The following SPATA6 variants were observed in gnomAD, a reference collection of about 807,000 sequenced individuals.
The protein encoded by SPATA6 is spermatogenesis-associated protein 6.
Under a neutral mutation model 65.3 loss-of-function variants are expected in SPATA6, and 56 were observed. The observed-to-expected ratio is 0.86, with a 90% CI of 0.69 to 1.07. The LOEUF (loss-of-function observed/expected upper bound fraction) is 1.07, where lower values mean the gene tolerates loss of function less well. Ranked by LOEUF, SPATA6 falls within the 50% of genes least tolerant of loss-of-function variation. The pLI, the probability that SPATA6 is intolerant of heterozygous loss-of-function variation, is 0.00. For missense variants in SPATA6, 590 were observed against 594.8 expected (o/e 0.99, Z 0.08); for synonymous variants, 199 against 213.2 (o/e 0.93, Z 0.58).
the SPATA6 span, among the ~76,000 whole-genome samples, chr1:48,266,032 C>G: frequency 6.6e-6 from 1 of 152,136 alleles, no homozygotes; most frequent in Non-Finnish European, 1.5e-5. Flanking sequence ...CTAAACATTT[C>G]TAGTAGAGCT....
intron 6 of SPATA6, among the ~76,000 whole-genome samples, chr1:48,403,277 T>G (rs1168855818): frequency 1.3e-5 from 2 of 152,172 alleles, no homozygotes; most frequent in African/African-American, 2.4e-5. Flanking sequence ...TAGGCTGGAA[T>G]GTCCAAGATT....
intron 6 of SPATA6, among the ~76,000 whole-genome samples, chr1:48,401,109 C>T (rs1288737878): frequency 6.6e-6 from 1 of 151,842 alleles, no homozygotes; most frequent in African/African-American, 2.4e-5. Flanking sequence ...CCTTGCTGAC[C>T]AAAACCTCTT....
At chr1:48,335,902 A>T (rs1646046353) in intron 11 of SPATA6, among the ~76,000 whole-genome samples, 1 of 152,162 alleles carries the variant, frequency 6.6e-6, no homozygotes. Context: ...AAGATCTAAC[A>T]TCTAGAATCT....
chr1:48,333,500 A>C, intron 11 of SPATA6, among the ~76,000 whole-genome samples: 1 of 152,178 alleles, frequency 6.6e-6, no homozygotes, highest in Non-Finnish European at 1.5e-5. Context: ...ACTCTCCTTC[A>C]TAAACTCTCT....
chr1:48,291,435 G>A (rs2148623094), downstream of SPATA6, among the ~76,000 whole-genome samples: 1 of 152,288 alleles, frequency 6.6e-6, no homozygotes, highest in East Asian at 1.9e-4. Flanking sequence ...GTGGTTCCCA[G>A]GCCAATGAAG....
chr1:48,424,404 T>C (rs1428298065), intron 3 of SPATA6, among the ~76,000 whole-genome samples: 3 of 152,266 alleles, frequency 2.0e-5, no homozygotes, highest in Non-Finnish European at 4.4e-5. Flanking sequence ...TGATGGACGC[T>C]AAGTCCAAAT....
At chr1:48,282,813 C>T in the SPATA6 span, among the ~76,000 whole-genome samples, 1 of 152,128 alleles carries the variant, frequency 6.6e-6, no homozygotes, top group Non-Finnish European at 1.5e-5. Context: ...TACCATTTGA[C>T]CCAGCCATCC....
At chr1:48,274,866 T>A in the SPATA6 span, among the ~76,000 whole-genome samples, 1 of 152,240 alleles carries the variant, frequency 6.6e-6, no homozygotes, top group Non-Finnish European at 1.5e-5. Context: ...TTTTTTCTAA[T>A]TCTGTGAAGA....
intron 11 of SPATA6, among the ~76,000 whole-genome samples, chr1:48,316,374 T>C (rs1335455262): frequency 1.3e-5 from 2 of 151,990 alleles, no homozygotes; most frequent in Non-Finnish European, 2.9e-5. Context: ...TCAGAAATAA[T>C]GCCGCATATC....
At chr1:48,444,086 A>C (rs1655774514) in intron 3 of SPATA6, among the ~76,000 whole-genome samples, 1 of 152,174 alleles carries the variant, frequency 6.6e-6, no homozygotes, top group African/African-American at 2.4e-5. Flanking sequence ...TCCTGTTTAG[A>C]GAGGGGACTG....
intron 3 of SPATA6, among the ~76,000 whole-genome samples, chr1:48,435,696 G>A (rs1190420293): frequency 3.9e-5 from 6 of 152,146 alleles, no homozygotes; most frequent in Non-Finnish European, 5.9e-5. Context: ...CTGTAAAAAC[G>A]CACCGAGAGT....
intron 11 of SPATA6, among the ~76,000 whole-genome samples, chr1:48,342,988 A>G (rs1646262538): frequency 6.6e-6 from 1 of 152,216 alleles, no homozygotes; most frequent in Admixed American, 6.5e-5. Flanking sequence ...GTAATAAGAT[A>G]AAGTTGGTAT....
the SPATA6 span, among the ~76,000 whole-genome samples, chr1:48,282,844 A>G: frequency 6.6e-6 from 1 of 152,190 alleles, no homozygotes; most frequent in Non-Finnish European, 1.5e-5. Context: ...TATATACCCA[A>G]AGGACTATAA....
chr1:48,318,733 A>C (rs1645512926), intron 11 of SPATA6, among the ~76,000 whole-genome samples: 1 of 152,166 alleles, frequency 6.6e-6, no homozygotes, highest in Non-Finnish European at 1.5e-5. Context: ...ATTCCTATAC[A>C]ATTCCGGCCA....
chr1:48,437,125 G>A lies in SPATA6; in HGVS notation c.238+14427C>T. On this transcript the variant is annotated intron_variant, in intron 3 of 12. Coordinates refer to ENST00000371847, the MANE Select transcript of SPATA6 (RefSeq NM_019073.4). ...TTCAATACTTTCACGGTTGCCTCCT[G>A]CTTATAACAAGCCATCAATACCATT... 4 of 1,600,372 alleles carry A rather than the reference G, an allele frequency of 2.5e-6. No homozygotes were observed. In the African/African-American group the frequency reaches 5.4e-5, roughly 21 times the overall value.
At chr1:48,324,854 A>T (rs1441718722) in intron 11 of SPATA6, among the ~76,000 whole-genome samples, 1 of 152,144 alleles carries the variant, frequency 6.6e-6, no homozygotes, top group African/African-American at 2.4e-5. Flanking sequence ...GAGCAATCAG[A>T]CCAGAAAGAA....
At chr1:48,419,262 A>G (rs151070370) in intron 3 of SPATA6, among the ~76,000 whole-genome samples, 157 of 152,314 alleles carry the variant, frequency 1.0e-3, no homozygotes, top group African/African-American at 3.7e-3. Flanking sequence ...ATCAAAGATA[A>G]CAGTTCCTGA....
chr1:48,404,724 C>T (rs1651532151), intron 5 of SPATA6, among the ~76,000 whole-genome samples: 3 of 152,174 alleles, frequency 2.0e-5, no homozygotes, highest in Admixed American at 2.0e-4. Context: ...AGATAAGTCT[C>T]TACTAATTCT....
In SPATA6 at chr1:48,469,626, A is replaced by G. The variant is rs1478257873; in HGVS notation, c.51+2332T>C. On this transcript the variant is annotated intron_variant, in intron 1 of 12. Transcript: ENST00000371847. ...GAAGCAACACTTCTCTGAGTATATC[A>G]TGTTATAGTCTTGAACTTGAACCAT... is the stretch of plus-strand genomic sequence containing the variant. Among the ~76,000 whole-genome samples the G allele has an allele frequency of 3.3e-5, 5 of 152,118 alleles. 1 individual carries two copies. The highest frequency in any genetic ancestry group is 3.3e-4 in the Admixed American group (5 of 15,262).
Sources: allele counts gnomAD v4.1 joint callset (sites outside exome capture counted in the v4.1 genomes callset), GRCh38; gene constraint gnomAD v4.1.1; transcripts MANE v1.5; gene names NCBI Gene and HGNC (gene_info 2026-07-23, HGNC 2026-07-21).